The following NOTCH1 variants were observed in gnomAD, a reference collection of about 807,000 sequenced individuals.
The protein encoded by NOTCH1 is notch receptor 1.
In NOTCH1, 37 loss-of-function variants were observed where a neutral mutation model predicts 254.8. The observed-to-expected ratio is 0.15, with a 90% CI of 0.11 to 0.19. NOTCH1 has a LOEUF of 0.19. Ranked by LOEUF, NOTCH1 falls within the 10% of genes least tolerant of loss-of-function variation. NOTCH1 has a pLI of 1.00. For missense variants in NOTCH1, 2,972 were observed against 3,708.6 expected (o/e 0.80, Z 5.16); for synonymous variants, 1,731 against 1,618.1 (o/e 1.07, Z -1.68).
At chr9:136,503,876 G>A (rs936895459) in intron 26 of NOTCH1, among the ~76,000 whole-genome samples, 2 of 152,240 alleles carry the variant, frequency 1.3e-5, no homozygotes, top group Non-Finnish European at 2.9e-5. Context: ...AACCCACCAG[G>A]GTCAGGCACA....
rs764123906 is a variant in NOTCH1, at chr9:136,505,760, G to C, written c.4136C>G (p.Thr1379Arg). 1 of 1,586,482 alleles carries C rather than the reference G, an allele frequency of 6.3e-7. No individual in the cohort carries two copies. The highest frequency in any genetic ancestry group is 1.1e-5 in the South Asian group (1 of 88,388). The change falls in exon 25 of 34, where the codon ACG becomes AGG. Residue 1379 changes from threonine to arginine, a missense_variant. Physicochemically the swap from Thr to Arg is moderately conservative, Grantham distance 71 (BLOSUM62 -1). Coordinates refer to ENST00000651671, the MANE Select transcript of NOTCH1 (RefSeq NM_017617.5). ...SPTCLCLGPF[T>R]GPECQFPASS... ...GGCCGGGAACTGGCATTCGGGGCCC[G>C]TGAAGGGGCCCAGGCACAGGCAGGT...
At chr9:136,532,460 G>A (rs916237883) in intron 2 of NOTCH1, among the ~76,000 whole-genome samples, 6 of 138,608 alleles carry the variant, frequency 4.3e-5, no homozygotes, top group African/African-American at 1.7e-4. Flanking sequence ...AGTCTCCCCA[G>A]AGCCTGTGGC....
intron 2 of NOTCH1, among the ~76,000 whole-genome samples, chr9:136,533,836 T>C (rs1843600333): frequency 6.6e-6 from 1 of 152,246 alleles, no homozygotes; most frequent in Non-Finnish European, 1.5e-5. Context: ...GCTTGGGCTG[T>C]GGGGGAGCCT....
rs1307220376 is a variant in NOTCH1, at chr9:136,497,429, G to A, written c.6310C>T (p.Arg2104Cys). 4 of 1,612,048 alleles carry A rather than the reference G, an allele frequency of 2.5e-6. No individual in the cohort carries two copies. Among genetic ancestry groups the A allele is most frequent in the Non-Finnish European group, 3.4e-6 (4 of 1,179,930 alleles). ...AGCCTCACGATGTCGTGATGCATGC[G>A]CTCCTGTGCGATGTCGCGCGGCAGG... ...DRLPRDIAQE[R>C]MHHDIVRLLD... Residue 2104 changes from arginine (R) to cysteine (C), a missense_variant, in exon 34 of 34, where the codon CGC becomes TGC. Physicochemically the swap from Arg to Cys is radical, Grantham distance 180. Around this residue, in one of 8 missense-constraint regions of NOTCH1, gnomAD observed 529 missense variants for 529.2 expected, o/e 1.00. Coordinates refer to ENST00000651671, the MANE Select transcript of NOTCH1 (RefSeq NM_017617.5).
intron 2 of NOTCH1, among the ~76,000 whole-genome samples, chr9:136,531,091 G>C (rs1014120756): frequency 1.3e-5 from 2 of 152,224 alleles, no homozygotes; most frequent in Non-Finnish European, 2.9e-5. Context: ...TCCATGTCCA[G>C]CGTCCTTGTT....
At position 136,497,671 on chromosome 9, in the gene NOTCH1, C is replaced by T. The variant is rs536605870; in HGVS notation, c.6181-113G>A. 120 of 863,516 alleles carry T rather than the reference C, an allele frequency of 1.4e-4. No individual in the cohort carries two copies. The East Asian group carries it at 3.1e-3, about 23-fold the overall frequency. The allele number at this position is 863,516 out of a possible 1,614,324, so 53.5% of individuals were successfully genotyped here. On this transcript the variant is annotated intron_variant, in intron 33 of 33. Transcript: ENST00000651671. ...TACAACCTCCTCCGCGGGGTGGGGG[C>T]AGGCAGGCTGCTCCTCAGGACCCCA...
intron 2 of NOTCH1, chr9:136,543,195 G>A (rs1843757388): frequency 5.9e-6 from 1 of 170,500 alleles, no homozygotes; most frequent in African/African-American, 2.4e-5. Context: ...GTCCGATTTT[G>A]AAGAGTCAAT....
At position 136,505,027 on chromosome 9, in the gene NOTCH1, T is replaced by C. The variant is rs781602537; in HGVS notation, c.4664A>G (p.Glu1555Gly). The C allele has an allele frequency of 3.7e-6, 6 of 1,608,342 alleles. No homozygotes were observed. Among genetic ancestry groups the C allele is most frequent in the Non-Finnish European group, 5.1e-6 (6 of 1,178,476 alleles). Reference sequence around the variant, plus strand: ...CTCCGCACAGTCCAGCCCGTCCCACTCGCACTCCGCGCTGTTGCAGCCCTG... The same window carrying C: ...CTCCGCACAGTCCAGCCCGTCCCACCCGCACTCCGCGCTGTTGCAGCCCTG... Reference protein sequence around the residue: ...CDQGCNSAECEWDGLDCAEHV... With the variant: ...CDQGCNSAECGWDGLDCAEHV... Residue 1555 changes from glutamate (E) to glycine (G), a missense_variant, in exon 26 of 34, where the codon GAG becomes GGG. Glu to Gly is a moderately conservative substitution (Grantham distance 98). Coordinates refer to ENST00000651671, the MANE Select transcript of NOTCH1 (RefSeq NM_017617.5).
In NOTCH1 at chr9:136,502,033, C is replaced by T. The variant is rs201968456; in HGVS notation, c.5440G>A (p.Gly1814Arg). 3 of 1,613,332 alleles carry T rather than the reference C, an allele frequency of 1.9e-6. No homozygotes were observed. In the African/African-American group the frequency reaches 4.0e-5, roughly 22 times the overall value. Residue 1814 changes from glycine (G) to arginine (R), a missense_variant, in exon 29 of 34, where the codon GGG (glycine) becomes AGG (arginine). By Grantham distance (125) the Gly-to-Arg change is moderately radical. Around this residue, in one of 8 missense-constraint regions of NOTCH1, gnomAD observed 421 missense variants for 604.4 expected, o/e 0.70. Transcript: ENST00000651671. Reference sequence around the variant, plus strand: ...TTCTTGGTCTCCAGGTCCTCGTCCCCCCACTCATTCTGGTTGTCGTCCATG... The same window carrying T: ...TTCTTGGTCTCCAGGTCCTCGTCCCTCCACTCATTCTGGTTGTCGTCCATG... ...ALMDDNQNEW[G>R]DEDLETKKFR...
intron 2 of NOTCH1, among the ~76,000 whole-genome samples, chr9:136,524,529 T>C (rs2133380733): frequency 6.6e-6 from 1 of 152,292 alleles, no homozygotes; most frequent in Middle Eastern, 3.4e-3. Context: ...AGGCATTGCT[T>C]GGGCAGTAAC....
chr9:136,518,013 T>A (rs2133369401), intron 7 of NOTCH1, 76 bp from the exon 8 acceptor site: 1 of 1,579,626 alleles, frequency 6.3e-7, no homozygotes, highest in Non-Finnish European at 8.6e-7. Context: ...ACCACCCCCA[T>A]CGGACTGGCA....
At chr9:136,511,329 C>A in intron 15 of NOTCH1, 58 bp from the exon 16 acceptor site, 1 of 1,550,012 alleles carries the variant, frequency 6.5e-7, no homozygotes, top group Non-Finnish European at 8.7e-7. Context: ...TCTCCCAAAT[C>A]GGCCACCGCC....
intron 26 of NOTCH1, among the ~76,000 whole-genome samples, chr9:136,503,932 C>T (rs1368927308): frequency 1.3e-5 from 2 of 152,262 alleles, no homozygotes; most frequent in African/African-American, 2.4e-5. Flanking sequence ...TGCCCCAGAT[C>T]GAGTAGGCAT....
In NOTCH1 at chr9:136,494,668, T is replaced by G. The variant is rs1419970383; in HGVS notation, c.*1403A>C. 2.5e-6 allele frequency: 1 copy of G among 398,432 alleles called. No homozygotes were observed. The highest frequency in any genetic ancestry group is 4.4e-6 in the Non-Finnish European group (1 of 225,992). The allele number at this position is 398,432 out of a possible 1,614,324, so 24.7% of individuals were successfully genotyped here. ...AGCCGGGGGAGGCTGCCCTGAGGAG[T>G]GCAGGCGGCACGGCAGCGGAGCGTC... On this transcript the variant is annotated 3_prime_UTR_variant, in exon 34 of 34. Coordinates refer to ENST00000651671, the MANE Select transcript of NOTCH1 (RefSeq NM_017617.5).
chr9:136,511,521 C>T (rs181747955), intron 15 of NOTCH1, among the ~76,000 whole-genome samples: 42 of 152,300 alleles, frequency 2.8e-4, no homozygotes, highest in African/African-American at 5.3e-4. Flanking sequence ...CCCTCATTCC[C>T]GGTTGGCAGC....
Position 136,544,084 on chromosome 9 carries a change from G to A in NOTCH1, c.80C>T (p.Pro27Leu). 3 of 1,578,956 alleles carry A rather than the reference G, an allele frequency of 1.9e-6. No homozygotes were observed. The highest frequency in any genetic ancestry group is 2.6e-6 in the Non-Finnish European group (3 of 1,163,652). ...CCCGCCATTCAGGCAGGTCTCACCG[G>A]GCTGGGAGCATCGCGGGCCTAGGCA... ...LAARGPRCSQ[P>L]GETCLNGGKC... Residue 27 changes from proline (P) to leucine (L), a missense_variant, in exon 2 of 34, where the codon CCC becomes CTC. By Grantham distance (98) the Pro-to-Leu change is moderately conservative. Coordinates refer to ENST00000651671, the MANE Select transcript of NOTCH1 (RefSeq NM_017617.5).
rs1428339317 is a variant in NOTCH1 at position 136,535,917 on chromosome 9, G to A, written c.140+8107C>T. Among the ~76,000 whole-genome samples the A allele has an allele frequency of 8.2e-5, 9 of 109,756 alleles. No homozygotes were observed. In the South Asian group the frequency reaches 1.1e-3, roughly 14 times the overall value. 72.0% of individuals were successfully genotyped at this position (109,756 alleles called of 152,430 possible). ...GGGGGGAGCACTCAGGATCCCTCCC[G>A]GGGCAATGAGTGCAGGGTGGGTGGA... is the stretch of plus-strand genomic sequence containing the variant. On this transcript the variant is annotated intron_variant, in intron 2 of 33. Transcript: ENST00000651671.
chr9:136,533,772 A>ATTT (rs1314370895), intron 2 of NOTCH1, among the ~76,000 whole-genome samples: 157 of 152,344 alleles, frequency 1.0e-3, no homozygotes, highest in African/African-American at 3.5e-3. Context: ...TTCTGGGCCA[A>ATTT]AAGCTCCAGC....
In NOTCH1 at chr9:136,504,930, G is replaced by C. The variant is rs777947269; in HGVS notation, c.4761C>G (p.Asn1587Lys). 1 of 1,588,274 alleles carries C rather than the reference G, an allele frequency of 6.3e-7. No homozygotes were observed. The highest frequency in any genetic ancestry group is 8.6e-7 in the Non-Finnish European group (1 of 1,168,634). The change falls in exon 26 of 34, where the codon AAC (asparagine) becomes AAG (lysine). Residue 1587 changes from asparagine to lysine, a missense_variant. Asn to Lys is a moderately conservative substitution (Grantham distance 94). Transcript: ENST00000651671. ...VVLMPPEQLR[N>K]SSFHFLRELS... ...GCTCCCGCAGGAAGTGGAAGGAGCTGTTGCGCAGCTGCTCCGGCGGCATCA... is the reference window on the plus strand; with the variant it reads ...GCTCCCGCAGGAAGTGGAAGGAGCTCTTGCGCAGCTGCTCCGGCGGCATCA...
Sources: gnomAD v4.1 joint callset for allele counts (sites outside exome capture counted in the v4.1 genomes callset) on GRCh38, gnomAD v4.1.1 for gene constraint, gnomAD v4.1.1 regional missense constraint, MANE v1.5 for transcripts, NCBI Gene and HGNC (gene_info 2026-07-23, HGNC 2026-07-21) for gene names.